The following ZNF716 variants were observed in gnomAD, a reference collection of about 807,000 sequenced individuals.
The protein encoded by ZNF716 is zinc finger protein 716.
A neutral mutation model predicts 13.4 loss-of-function variants in ZNF716; 9 were observed. The observed-to-expected ratio is 0.67, with a 90% CI of 0.41 to 1.18. The LOEUF is 1.18. Among genes scored for constraint, ZNF716 ranks in the 50% most tolerant of loss-of-function variants. The pLI, the probability that ZNF716 is intolerant of heterozygous loss-of-function variation, is 0.01. For synonymous variants in ZNF716, 186 were observed against 195.2 expected, an observed-to-expected ratio of 0.95 and a Z score of 0.39; for missense variants, 581 against 576.6, an observed-to-expected ratio of 1.01 and a Z score of -0.08.
At chr7:57,451,171 C>A (rs1554321491) in intron 1 of ZNF716, among the ~76,000 whole-genome samples, 1 of 152,034 alleles carries the variant, frequency 6.6e-6, no homozygotes, top group Non-Finnish European at 1.5e-5. Context: ...AGACTGCCAC[C>A]ACCACGCCCG....
At chr7:57,456,668 A>G (rs10237132) in intron 1 of ZNF716, among the ~76,000 whole-genome samples, 5,437 of 152,074 alleles carry the variant, frequency 0.036, 315 homozygotes, top group East Asian at 0.24. Context: ...CCGAGAGGTG[A>G]AGGTTGCAGT....
In ZNF716 at chr7:57,470,286, T is replaced by C. The variant is rs1562680495; in HGVS notation, c.*337T>C. 4 of 177,662 alleles carry C rather than the reference T, an allele frequency of 2.3e-5. No homozygotes were observed. The highest frequency in any genetic ancestry group is 2.4e-5 in the Non-Finnish European group (2 of 84,190). The allele number at this position is 177,662 out of a possible 1,614,324, so 11.0% of individuals were successfully genotyped here. A position where few individuals can be genotyped will look rare whatever the true frequency, so the allele number is the denominator to read the frequency against. On this transcript the variant is annotated 3_prime_UTR_variant, in exon 4 of 4. Transcript: ENST00000420713. ...TTCAAGCGATTCTCCTGCCTCAGCC[T>C]CCTGAGTAGCTGGAATTACAGGCAC...
Position 57,469,639 on chromosome 7 carries a change from C to G in ZNF716, c.1178C>G (p.Ser393Ter). 1 of 1,613,494 alleles carries G rather than the reference C, an allele frequency of 6.2e-7. No individual in the cohort carries two copies. Among genetic ancestry groups the G allele is most frequent in the South Asian group, 1.1e-5 (1 of 91,058 alleles). The change falls in exon 4 of 4, where the codon TCA becomes TGA. Residue 393 changes from serine to a stop codon, truncating the protein, a stop_gained. Coordinates refer to ENST00000420713, the MANE Select transcript of ZNF716 (RefSeq NM_001159279.1). LOFTEE classifies it low-confidence loss of function (END_TRUNC). ...EECGKAFSLP[S>*]TFTYHKRTHT... ...TGTGGCAAAGCCTTTAGCTTACCCTCAACCTTCACTTACCACAAGAGAACT... is the reference window on the plus strand; with the variant it reads ...TGTGGCAAAGCCTTTAGCTTACCCTGAACCTTCACTTACCACAAGAGAACT...
rs879958806 is a variant in ZNF716, at chr7:57,470,105, T to TAA, written c.*165_*166dup. ...ATATTGGACAAAAGTCTTATAAATG[T>TAA]AAAAAAAAAAGTAACAGCCTTTAAC... On this transcript the variant is annotated 3_prime_UTR_variant, in exon 4 of 4. Coordinates refer to ENST00000420713, the MANE Select transcript of ZNF716 (RefSeq NM_001159279.1). The TAA allele has an allele frequency of 3.5e-5, 24 of 679,706 alleles. No individual in the cohort carries two copies. The Admixed American group carries it at 4.6e-4, about 13-fold the overall frequency. 42.1% of individuals were successfully genotyped at this position (679,706 alleles called of 1,614,324 possible).
At chr7:57,461,287 T>C (rs1273187539) in intron 1 of ZNF716, among the ~76,000 whole-genome samples, 1 of 151,980 alleles carries the variant, frequency 6.6e-6, no homozygotes, top group African/African-American at 2.4e-5. Flanking sequence ...ATAAAATATA[T>C]ATAGTTACAA....
At chr7:57,459,677 G>A (rs1789671960) in intron 1 of ZNF716, among the ~76,000 whole-genome samples, 1 of 152,126 alleles carries the variant, frequency 6.6e-6, no homozygotes, top group African/African-American at 2.4e-5. Context: ...TGAGAGTTTA[G>A]TTCAACCTTT....
In ZNF716 at chr7:57,469,197, T is replaced by C. The variant is rs1402475190; in HGVS notation, c.736T>C (p.Cys246Arg). ...AGAGAAACCCTACAGATGTGAGGAA[T>C]GTGGCAAAGCTTTTAGCTGGTCTGC... is the stretch of plus-strand genomic sequence containing the variant. ...TGEKPYRCEE[C>R]GKAFSWSASL... is the part of the protein sequence containing the mutation. Residue 246 changes from cysteine (C) to arginine (R), a missense_variant, in exon 4 of 4, where the codon TGT becomes CGT. Transcript: ENST00000420713. 2.5e-6 allele frequency: 4 copies of C among 1,612,608 alleles called. No homozygotes were observed. In the African/African-American group the frequency reaches 5.3e-5, roughly 22 times the overall value.
Position 57,469,663 on chromosome 7 carries a change from C to G in ZNF716, c.1202C>G (p.Thr401Ser). ...LPSTFTYHKR[T>S]HTGEKPYKCE... ...TCAACCTTCACTTACCACAAGAGAA[C>G]TCATACTGGAGAGAAACCCTACAAA... Residue 401 changes from threonine to serine, a missense_variant, in exon 4 of 4, where the codon ACT becomes AGT. Coordinates refer to ENST00000420713, the MANE Select transcript of ZNF716 (RefSeq NM_001159279.1). 1 of 1,570,934 alleles carries G rather than the reference C, an allele frequency of 6.4e-7. No homozygotes were observed. Among genetic ancestry groups the G allele is most frequent in the Non-Finnish European group, 8.6e-7 (1 of 1,157,246 alleles).
In ZNF716 at chr7:57,471,929, GCTT is replaced by G. The variant is rs1357918481; in HGVS notation, c.*1984_*1986del. On this transcript the variant is annotated 3_prime_UTR_variant, in exon 4 of 4. Coordinates refer to ENST00000420713, the MANE Select transcript of ZNF716 (RefSeq NM_001159279.1). ...AGATTTATAATTACATTCGAGGTAT[GCTT>G]CTTTCTTTGTAAAAAAAAATATAGA... 15 of 152,232 alleles carry G rather than the reference GCTT, an allele frequency of 9.9e-5. No homozygotes were observed. Among genetic ancestry groups the G allele is most frequent in the African/African-American group, 3.6e-4 (15 of 41,536 alleles). 9.4% of individuals were successfully genotyped at this position (152,232 alleles called of 1,614,324 possible).
chr7:57,465,521 T>G (rs1475574947), intron 3 of ZNF716, among the ~76,000 whole-genome samples: 1 of 152,132 alleles, frequency 6.6e-6, no homozygotes, highest in Non-Finnish European at 1.5e-5. Context: ...CCCAGCTAAT[T>G]TTTAACTATT....
rs2116398947 is a variant in ZNF716 at position 57,450,236 on chromosome 7, C to T, written c.-53C>T. 1.2e-6 allele frequency: 2 copies of T among 1,612,698 alleles called. No homozygotes were observed. Among genetic ancestry groups the T allele is most frequent in the African/African-American group, 1.3e-5 (1 of 74,996 alleles). On this transcript the variant is annotated 5_prime_UTR_variant, in exon 1 of 4. Coordinates refer to ENST00000420713, the MANE Select transcript of ZNF716 (RefSeq NM_001159279.1). ...TCTCTTCACTGCTCTGCGTCCTCTG[C>T]TCCTGGAGGCCAAGCCTCTGTGGCC...
At position 57,468,812 on chromosome 7, in the gene ZNF716, A is replaced by G. The variant is rs1554324526; in HGVS notation, c.351A>G (p.Lys117=). The change falls in exon 4 of 4, where the codon AAA becomes AAG. Residue 117 remains lysine (K), a synonymous_variant. Transcript: ENST00000420713. ...LQKVILRRYG[K]CGQEDLQVKK... Reference sequence around the variant, plus strand: ...AAGTGATACTGAGAAGATATGGAAAATGTGGACAGGAGGATTTACAAGTAA... The same window carrying G: ...AAGTGATACTGAGAAGATATGGAAAGTGTGGACAGGAGGATTTACAAGTAA... 1.2e-6 allele frequency: 2 copies of G among 1,613,800 alleles called. No individual in the cohort carries two copies. The highest frequency in any genetic ancestry group is 2.2e-5 in the South Asian group (2 of 91,072).
chr7:57,470,175 AT>A lies in ZNF716; in HGVS notation c.*233del, dbSNP rs1789903408. On this transcript the variant is annotated 3_prime_UTR_variant, in exon 4 of 4. Coordinates refer to ENST00000420713, the MANE Select transcript of ZNF716 (RefSeq NM_001159279.1). Reference sequence around the variant, plus strand: ...AACCCAAGAGAATTTATTTAAAAAAATTTTTTTGAGACAGAGTCTCACTTTG... The same window carrying A: ...AACCCAAGAGAATTTATTTAAAAAAATTTTTTGAGACAGAGTCTCACTTTG... 18 of 366,452 alleles carry A rather than the reference AT, an allele frequency of 4.9e-5. No individual in the cohort carries two copies. The East Asian group carries it at 8.5e-4, about 17-fold the overall frequency. The allele number at this position is 366,452 out of a possible 1,614,324, so 22.7% of individuals were successfully genotyped here.
Position 57,469,141 on chromosome 7 carries a change from C to A in ZNF716, c.680C>A (p.Thr227Asn). Residue 227 changes from threonine to asparagine, a missense_variant, in exon 4 of 4, where the codon ACC (threonine) becomes AAC (asparagine). Thr to Asn is a moderately conservative substitution (Grantham distance 65). Coordinates refer to ENST00000420713, the MANE Select transcript of ZNF716 (RefSeq NM_001159279.1). ...GGCAAATCCTTTAACTGCTCTTCAA[C>A]CCTTACTAGACATAAAAGAATTCAT... Reference protein sequence around the residue: ...ECGKSFNCSSTLTRHKRIHTG... With the variant: ...ECGKSFNCSSNLTRHKRIHTG... The A allele has an allele frequency of 1.2e-6, 2 of 1,610,870 alleles. No individual in the cohort carries two copies. The highest frequency in any genetic ancestry group is 1.7e-6 in the Non-Finnish European group (2 of 1,178,378).
At position 57,470,101 on chromosome 7, in the gene ZNF716, A is replaced by T; in HGVS notation, c.*152A>T. On this transcript the variant is annotated 3_prime_UTR_variant, in exon 4 of 4. Transcript: ENST00000420713. ...ATTCATATTGGACAAAAGTCTTATAAATGTAAAAAAAAAAGTAACAGCCTT... is the reference window on the plus strand; with the variant it reads ...ATTCATATTGGACAAAAGTCTTATATATGTAAAAAAAAAAGTAACAGCCTT... The T allele has an allele frequency of 1.3e-6, 1 of 772,836 alleles. No individual in the cohort carries two copies. The highest frequency in any genetic ancestry group is 2.6e-5 in the South Asian group (1 of 37,876). The allele number at this position is 772,836 out of a possible 1,614,324, so 47.9% of individuals were successfully genotyped here. A position where few individuals can be genotyped will look rare whatever the true frequency, so the allele number is the denominator to read the frequency against.
chr7:57,455,639 C>T (rs1422151021), intron 1 of ZNF716, among the ~76,000 whole-genome samples: 1 of 151,994 alleles, frequency 6.6e-6, no homozygotes, highest in East Asian at 2.0e-4. Flanking sequence ...GCCTCAGCCT[C>T]CCAAATAGCT....
chr7:57,456,927 C>A (rs1554322224), intron 1 of ZNF716, among the ~76,000 whole-genome samples: 2 of 152,004 alleles, frequency 1.3e-5, no homozygotes, highest in African/African-American at 4.8e-5. Flanking sequence ...TGAAAGGGGA[C>A]TAAAAACTTA....
intron 1 of ZNF716, among the ~76,000 whole-genome samples, chr7:57,461,047 A>G (rs1337817890): frequency 1.3e-5 from 2 of 152,050 alleles, no homozygotes; most frequent in South Asian, 2.1e-4. Context: ...GGGCAGCTGT[A>G]TCACATGAGG....
At position 57,451,052 on chromosome 7, in the gene ZNF716, C is replaced by A. The variant is rs376303971; in HGVS notation, c.39+725C>A. Among the ~76,000 whole-genome samples the A allele has an allele frequency of 5.3e-5, 8 of 151,174 alleles. 1 individual carries two copies. Among genetic ancestry groups the A allele is most frequent in the African/African-American group, 1.9e-4 (8 of 41,046 alleles). ...TTTTTTTTTTTTTGAGAGGGAGTCT[C>A]GCTCTGTTGCCCAGGCTGGAGTGCA... On this transcript the variant is annotated intron_variant, in intron 1 of 3. Coordinates refer to ENST00000420713, the MANE Select transcript of ZNF716 (RefSeq NM_001159279.1).
Sources: gnomAD v4.1 joint callset for allele counts (sites outside exome capture counted in the v4.1 genomes callset) on GRCh38, gnomAD v4.1.1 for gene constraint, MANE v1.5 for transcripts, NCBI Gene and HGNC (gene_info 2026-07-23, HGNC 2026-07-21) for gene names.